The following KIAA1217 variants were observed in gnomAD, a reference collection of about 807,000 sequenced individuals.
KIAA1217 encodes KIAA1217, also known as sickle tail protein homolog.
Under a neutral mutation model 163.9 loss-of-function variants are expected in KIAA1217, and 88 were observed. That is an observed-to-expected ratio of 0.54 (90% CI 0.45 to 0.64). The LOEUF (loss-of-function observed/expected upper bound fraction) is 0.64, where lower values mean the gene tolerates loss of function less well. Among genes scored for constraint, KIAA1217 ranks in the 30% least tolerant of loss-of-function variants. KIAA1217 has a pLI of 0.00. For synonymous variants in KIAA1217, 903 were observed against 923.1 expected (o/e 0.98, Z 0.39); for missense variants, 2,372 against 2,475.0 (o/e 0.96, Z 0.88).
chr10:24,278,698 A>G (rs2077568357), intron 2 of KIAA1217, among the ~76,000 whole-genome samples: 1 of 152,172 alleles, frequency 6.6e-6, no homozygotes. Context: ...CTGCAAATAA[A>G]GTGGGTGTTA....
intron 2 of KIAA1217, among the ~76,000 whole-genome samples, chr10:24,196,136 AAC>A (rs66954103): frequency 0.78 from 112,848 of 144,142 alleles, 44,000 homozygotes; most frequent in East Asian, 0.86. Flanking sequence ...CCTGTCTCAA[AAC>A]ACACACACAC....
intron 2 of KIAA1217, among the ~76,000 whole-genome samples, chr10:24,227,805 T>C (rs181712208): frequency 6.6e-6 from 1 of 152,150 alleles, no homozygotes; most frequent in Non-Finnish European, 1.5e-5. Flanking sequence ...GTGCTGGGAT[T>C]ACAGGCGTGA....
At chr10:23,749,340 T>C (rs916924760) in intron 1 of KIAA1217, among the ~76,000 whole-genome samples, 3 of 152,322 alleles carry the variant, frequency 2.0e-5, no homozygotes, top group Admixed American at 1.3e-4. Flanking sequence ...TTCTCCTATG[T>C]CTCTTTCTCC....
At chr10:23,753,752 A>C (rs192227810) in intron 1 of KIAA1217, among the ~76,000 whole-genome samples, 1 of 152,314 alleles carries the variant, frequency 6.6e-6, no homozygotes, top group East Asian at 1.9e-4. Context: ...AACTAATCTC[A>C]ACAGTTTATC....
At position 24,380,920 on chromosome 10, in the gene KIAA1217, C is replaced by T. The variant is rs776123708; in HGVS notation, c.406C>T (p.Pro136Ser). The T allele has an allele frequency of 5.0e-6, 8 of 1,604,370 alleles. No individual in the cohort carries two copies. In the South Asian group the frequency reaches 6.7e-5, roughly 13 times the overall value. Residue 136 changes from proline (P) to serine (S), a missense_variant, in exon 3 of 21, where the codon CCG (proline) becomes TCG (serine). Coordinates refer to ENST00000376454, the MANE Select transcript of KIAA1217 (RefSeq NM_019590.5). ...HSPQPPSLGD[P>S]VEHLSETSAD... The stretch of plus-strand genomic sequence containing the variant: ...TCCTCAACCACCCAGTCTGGGTGAC[C>T]CGGTCGAGCATTTATCAGAGACGTC...
intron 3 of KIAA1217, among the ~76,000 whole-genome samples, chr10:24,398,359 G>C (rs1465752783): frequency 6.6e-6 from 1 of 152,004 alleles, no homozygotes; most frequent in Non-Finnish European, 1.5e-5. Context: ...CTGTCTGAGG[G>C]GTAGCAGAAG....
intron 2 of KIAA1217, among the ~76,000 whole-genome samples, chr10:24,300,781 G>T (rs1358945470): frequency 1.3e-5 from 2 of 151,582 alleles, no homozygotes; most frequent in Admixed American, 1.3e-4. Flanking sequence ...TGGCCAGGCT[G>T]GTCTCAAACC....
intron 2 of KIAA1217, among the ~76,000 whole-genome samples, chr10:24,359,281 C>A (rs866829737): frequency 7.2e-5 from 11 of 151,874 alleles, no homozygotes; most frequent in Middle Eastern, 3.4e-3. Flanking sequence ...TTTGTAAATA[C>A]GGAGTCTCAG....
chr10:23,912,439 A>G (rs1470084881), intron 1 of KIAA1217, among the ~76,000 whole-genome samples: 1 of 151,922 alleles, frequency 6.6e-6, no homozygotes, highest in Admixed American at 6.6e-5. Flanking sequence ...TCATCTAAAT[A>G]GCGAACATTG....
Position 24,490,350 on chromosome 10 carries a change from G to A in KIAA1217, c.1680-4150G>A, listed in dbSNP as rs1255269406. On this transcript the variant is annotated intron_variant, in intron 6 of 20. Transcript: ENST00000376454. ...ATTCTGATGATGAGCATGAAAAATT[G>A]CCACTGCAATAAAATGACAGGGTTG... 2.0e-5 allele frequency among the ~76,000 whole-genome samples: 3 copies of A among 152,174 alleles called. No homozygotes were observed. The East Asian group carries it at 5.8e-4, about 29-fold the overall frequency.
intron 1 of KIAA1217, among the ~76,000 whole-genome samples, chr10:23,960,467 G>A (rs1017574714): frequency 6.6e-6 from 1 of 151,526 alleles, no homozygotes; most frequent in Non-Finnish European, 1.5e-5. Flanking sequence ...ATGTTGGTCA[G>A]GCTGGTCTCC....
intron 2 of KIAA1217, among the ~76,000 whole-genome samples, chr10:24,144,091 A>G (rs2064200714): frequency 1.3e-5 from 2 of 152,244 alleles, no homozygotes; most frequent in African/African-American, 4.8e-5. Context: ...AATCCCAGTA[A>G]TAAATAGGAT....
Position 24,254,829 on chromosome 10 carries a change from G to A in KIAA1217, c.354+34920G>A, listed in dbSNP as rs143284256. 2.9e-3 allele frequency among the ~76,000 whole-genome samples: 447 copies of A among 151,864 alleles called. 6 individuals are homozygous for A. Among genetic ancestry groups the A allele is most frequent in the Admixed American group, 0.025 (375 of 15,236 alleles). On this transcript the variant is annotated intron_variant, in intron 2 of 20. Transcript: ENST00000376454. The stretch of plus-strand genomic sequence containing the variant: ...CATTGGATACTGGGGAACTATAAAT[G>A]TCTCCGTCCAACTCTGTTCAACTCT...
intron 2 of KIAA1217, among the ~76,000 whole-genome samples, chr10:24,354,899 C>G (rs1039004023): frequency 6.6e-6 from 1 of 152,198 alleles, no homozygotes; most frequent in African/African-American, 2.4e-5. Flanking sequence ...GGTTTCCAGA[C>G]TTGAGGGTGG....
chr10:24,230,427 A>G (rs898095372), intron 2 of KIAA1217, among the ~76,000 whole-genome samples: 23 of 151,676 alleles, frequency 1.5e-4, no homozygotes, highest in African/African-American at 5.3e-4. Context: ...TTGAATTTCA[A>G]GATTAGGGAT....
chr10:24,405,272 T>C (rs1345553151), intron 3 of KIAA1217, among the ~76,000 whole-genome samples: 2 of 152,188 alleles, frequency 1.3e-5, no homozygotes, highest in East Asian at 1.9e-4. Context: ...TCCCTGTACA[T>C]TTCTTTGCAA....
rs117704320 is a variant in KIAA1217 at position 23,951,953 on chromosome 10, C to G, written c.-320-55272C>G. Among the ~76,000 whole-genome samples the G allele has an allele frequency of 9.2e-3, 1,408 of 152,260 alleles. 8 individuals are homozygous for G. The highest frequency in any genetic ancestry group is 0.016 in the Non-Finnish European group (1,058 of 68,004). On this transcript the variant is annotated intron_variant, in intron 1 of 18. Coordinates refer to the KIAA1217 transcript ENST00000376462. ...ACATACATGAAGTTGTATTCACTTTCTTAGGACTCCAGAGATCCATTGTGT... is the reference window on the plus strand; with the variant it reads ...ACATACATGAAGTTGTATTCACTTTGTTAGGACTCCAGAGATCCATTGTGT...
intron 2 of KIAA1217, among the ~76,000 whole-genome samples, chr10:24,043,789 C>T (rs145833124): frequency 2.0e-5 from 3 of 152,162 alleles, no homozygotes; most frequent in African/African-American, 7.2e-5. Flanking sequence ...ATCCGAGGCT[C>T]GGTGCTTATT....
intron 2 of KIAA1217, among the ~76,000 whole-genome samples, chr10:24,363,154 AAT>A (rs2134277874): frequency 6.6e-6 from 1 of 152,334 alleles, no homozygotes; most frequent in Admixed American, 6.5e-5. Context: ...TAGCAAAAGA[AAT>A]AAAATAAATA....
Sources: gnomAD v4.1 joint callset for allele counts (sites outside exome capture counted in the v4.1 genomes callset) on GRCh38, gnomAD v4.1.1 for gene constraint, MANE v1.5 for transcripts, NCBI Gene and HGNC (gene_info 2026-07-23, HGNC 2026-07-21) for gene names.